TMCO4: variants seen among roughly 807,000 people sequenced by gnomAD.
The protein encoded by TMCO4 is transmembrane and coiled-coil domains 4.
A neutral mutation model predicts 64.7 loss-of-function variants in TMCO4; 58 were observed. That is an observed-to-expected ratio of 0.90 (90% CI 0.73 to 1.12). The LOEUF is 1.12. Among genes scored for constraint, TMCO4 ranks in the 50% most tolerant of loss-of-function variants. TMCO4 has a pLI of 0.00. For missense variants in TMCO4, 780 were observed against 825.9 expected, an observed-to-expected ratio of 0.94 and a Z score of 0.68; for synonymous variants, 325 against 346.1, an observed-to-expected ratio of 0.94 and a Z score of 0.68.
intron 3 of TMCO4, among the ~76,000 whole-genome samples, chr1:19,781,657 T>C (rs2043485681): frequency 6.6e-6 from 1 of 150,832 alleles, no homozygotes. Flanking sequence ...TTTTTTTTTT[T>C]TTCTTTTGAG....
In TMCO4 at chr1:19,747,246, G is replaced by T; in HGVS notation, c.530C>A (p.Ser177Tyr). ...CCTCCGGTTTTCTTTCTTCTTTCGGGATGCCTCGGCCATTCTGAGGGAAAA... is the reference window on the plus strand; with the variant it reads ...CCTCCGGTTTTCTTTCTTCTTTCGGTATGCCTCGGCCATTCTGAGGGAAAA... ...KEEESEMAEA[S>Y]RKKKENRRKW... is the part of the protein sequence containing the mutation. The change falls in exon 8 of 16, where the codon TCC (serine) becomes TAC (tyrosine). Residue 177 changes from serine (S) to tyrosine (Y), a missense_variant. Transcript: ENST00000294543. The T allele has an allele frequency of 1.2e-6, 2 of 1,613,578 alleles. No individual in the cohort carries two copies. The highest frequency in any genetic ancestry group is 2.2e-5 in the East Asian group (1 of 44,866).
chr1:19,733,136 G>C (rs1046634079), intron 13 of TMCO4, among the ~76,000 whole-genome samples: 1 of 151,896 alleles, frequency 6.6e-6, no homozygotes, highest in Non-Finnish European at 1.5e-5. Flanking sequence ...GCAATGTTGC[G>C]GGCACGTGTA....
chr1:19,787,548 G>A (rs1361720693), intron 2 of TMCO4, among the ~76,000 whole-genome samples: 3 of 152,312 alleles, frequency 2.0e-5, no homozygotes, highest in Middle Eastern at 3.4e-3. Flanking sequence ...GCTTAAGCAA[G>A]AGCTAGATTT....
At chr1:19,704,155 G>T (rs751448815) in intron 13 of TMCO4, among the ~76,000 whole-genome samples, 21 of 152,220 alleles carry the variant, frequency 1.4e-4, no homozygotes, top group Non-Finnish European at 1.9e-4. Context: ...CTGGCTCTGA[G>T]GTTAAAAGAC....
chr1:19,691,859 TC>T (rs1240492221), intron 15 of TMCO4, among the ~76,000 whole-genome samples: 1 of 152,140 alleles, frequency 6.6e-6, no homozygotes, highest in East Asian at 1.9e-4. Flanking sequence ...AGGGGTGGTT[TC>T]CCCCAACCTG....
In TMCO4 at chr1:19,683,402, G is replaced by A. The variant is rs777807361; in HGVS notation, c.1543C>T (p.Leu515=). 6.2e-7 allele frequency: 1 copy of A among 1,613,540 alleles called. No homozygotes were observed. Among genetic ancestry groups the A allele is most frequent in the Non-Finnish European group, 8.5e-7 (1 of 1,180,042 alleles). ...LDYAKQMDAI[L]KAVGIRTKPG... ...TTGGTGCGGATGCCCACGGCCTTCA[G>A]GATGGCATCCATCTGCTTGGCATAG... The change falls in exon 16 of 16, where the codon CTG becomes TTG. Residue 515 remains leucine, a synonymous_variant. Transcript: ENST00000294543.
At position 19,790,998 on chromosome 1, in the gene TMCO4, A is replaced by T. The variant is rs147079469; in HGVS notation, c.-100-3881T>A. On this transcript the variant is annotated intron_variant, in intron 2 of 15. Coordinates refer to ENST00000294543, the MANE Select transcript of TMCO4 (RefSeq NM_181719.7). ...CAGCCATAAAAAGGAATGAGATCAT[A>T]TCCTTTGCAGGGATATGGATGGAGC... Among the ~76,000 whole-genome samples, 1,466 of 152,322 alleles carry T rather than the reference A, an allele frequency of 9.6e-3. 119 individuals are homozygous for T. In the East Asian group the frequency reaches 0.19, roughly 20 times the overall value.
intron 13 of TMCO4, among the ~76,000 whole-genome samples, chr1:19,713,229 A>G (rs1289575305): frequency 1.3e-5 from 2 of 152,176 alleles, no homozygotes; most frequent in East Asian, 1.9e-4. Flanking sequence ...ATGTGGATAC[A>G]GGCAGGGGTG....
intron 13 of TMCO4, among the ~76,000 whole-genome samples, chr1:19,721,752 G>A (rs905473423): frequency 5.3e-5 from 8 of 152,158 alleles, no homozygotes; most frequent in Admixed American, 1.3e-4. Context: ...TTGTGCCACC[G>A]CACTCCAGCC....
chr1:19,747,164 G>C lies in TMCO4; in HGVS notation c.612C>G (p.Ile204Met). ...GLATVGGGTV[I>M]GVTGGLAAPL... ...GCCACCATCTCTAGCTGGACTCACC[G>C]ATCACCGTTCCGCCTCCGACAGTCG... The change falls in exon 8 of 16, where the codon ATC (isoleucine) becomes ATG (methionine). Residue 204 changes from isoleucine to methionine, a missense_variant and splice_region_variant. Transcript: ENST00000294543. 1 of 1,613,690 alleles carries C rather than the reference G, an allele frequency of 6.2e-7. No individual in the cohort carries two copies. Among genetic ancestry groups the C allele is most frequent in the Non-Finnish European group, 8.5e-7 (1 of 1,179,732 alleles).
intron 13 of TMCO4, among the ~76,000 whole-genome samples, chr1:19,719,718 G>C: frequency 6.6e-6 from 1 of 152,122 alleles, no homozygotes; most frequent in South Asian, 2.1e-4. Context: ...TTTTGGCTGG[G>C]TGCAGTGGCT....
chr1:19,759,078 G>C (rs1388472634), intron 6 of TMCO4, among the ~76,000 whole-genome samples: 3 of 143,716 alleles, frequency 2.1e-5, no homozygotes, highest in African/African-American at 7.8e-5. Flanking sequence ...CTCCAGCCTG[G>C]GCAACAGAGA....
intron 7 of TMCO4, among the ~76,000 whole-genome samples, chr1:19,754,585 A>AT (rs1367717636): frequency 1.3e-5 from 2 of 152,136 alleles, no homozygotes; most frequent in Non-Finnish European, 1.5e-5. Flanking sequence ...GCTAAAAAAA[A>AT]CCCAGACCTG....
rs1570854325 is a variant in TMCO4, at chr1:19,743,065, T to TA, written c.878-2125dup. On this transcript the variant is annotated intron_variant, in intron 10 of 15. Transcript: ENST00000294543. This position sits in a 1 kb window ranked among gnomAD's most constrained non-coding sequence, Gnocchi z 4.1. ...CTCCGTCTCCAAAAGAAAATAAAAA[T>TA]AAAAAAAATAAAAAGGCGTTGTATA... Among the ~76,000 whole-genome samples, 1 of 151,678 alleles carries TA rather than the reference T, an allele frequency of 6.6e-6. No homozygotes were observed. Among genetic ancestry groups the TA allele is most frequent in the African/African-American group, 2.4e-5 (1 of 41,298 alleles).
intron 6 of TMCO4, among the ~76,000 whole-genome samples, chr1:19,757,299 T>G (rs2042306526): frequency 6.6e-6 from 1 of 152,184 alleles, no homozygotes; most frequent in African/African-American, 2.4e-5. Context: ...GGAGAGAATC[T>G]GTTTTCTTGC....
At chr1:19,752,327 G>T (rs888594397) in intron 7 of TMCO4, among the ~76,000 whole-genome samples, 3 of 152,140 alleles carry the variant, frequency 2.0e-5, no homozygotes, top group Admixed American at 2.0e-4. Flanking sequence ...TCGTAGTCAC[G>T]GTCATGCTGA....
chr1:19,778,953 G>A (rs1052349687), intron 4 of TMCO4, among the ~76,000 whole-genome samples: 2 of 152,180 alleles, frequency 1.3e-5, no homozygotes, highest in African/African-American at 4.8e-5. Flanking sequence ...GGGCATACAG[G>A]TGGAACAATG....
chr1:19,775,248 G>C (rs781057107), intron 4 of TMCO4, among the ~76,000 whole-genome samples: 1 of 152,156 alleles, frequency 6.6e-6, no homozygotes, highest in South Asian at 2.1e-4. Flanking sequence ...AATTTTAGTA[G>C]AGACAAGGTT....
At chr1:19,689,289 G>A (rs1206327501) in intron 15 of TMCO4, among the ~76,000 whole-genome samples, 1 of 152,180 alleles carries the variant, frequency 6.6e-6, no homozygotes, top group African/African-American at 2.4e-5. Flanking sequence ...TTTTTGTGAT[G>A]TACTCCTAAT....
Sources: gnomAD v4.1 joint callset for allele counts (sites outside exome capture counted in the v4.1 genomes callset) on GRCh38, gnomAD v4.1.1 for gene constraint, Gnocchi (gnomAD v3.1) non-coding constraint, MANE v1.5 for transcripts, NCBI Gene and HGNC (gene_info 2026-07-23, HGNC 2026-07-21) for gene names.